The following TRPM3 variants were observed in gnomAD, a reference collection of about 807,000 sequenced individuals.
The protein encoded by TRPM3 is long transient receptor potential channel 3.
In TRPM3, 77 loss-of-function variants were observed where a neutral mutation model predicts 181.2. The ratio of observed to expected loss-of-function variants is 0.42; its 90% CI spans 0.35 to 0.51. The LOEUF is 0.51. TRPM3 is among the 20% of genes least tolerant of loss of function. TRPM3 has a pLI of 0.01. For missense variants in TRPM3, 1,759 were observed against 2,196.7 expected (o/e 0.80, Z 3.98); for synonymous variants, 745 against 796.4 (o/e 0.94, Z 1.09).
chr9:71,360,471 A>T (rs1288157981), intron 1 of TRPM3, among the ~76,000 whole-genome samples: 1 of 152,206 alleles, frequency 6.6e-6, no homozygotes, highest in African/African-American at 2.4e-5. Context: ...CAGATATTTC[A>T]TCACAAGGCA....
chr9:71,267,965 T>G (rs150990969), intron 1 of TRPM3, among the ~76,000 whole-genome samples: 2 of 152,340 alleles, frequency 1.3e-5, no homozygotes, highest in Non-Finnish European at 2.9e-5. Context: ...GATCAGCTGA[T>G]CTGAAGTTGC....
At chr9:71,142,989 AAAAAG>A (rs2075203505) in intron 1 of TRPM3, among the ~76,000 whole-genome samples, 1 of 151,336 alleles carries the variant, frequency 6.6e-6, no homozygotes, top group African/African-American at 2.4e-5. Context: ...TTAAAAAAAA[AAAAAG>A]AAAGAAAAAA....
chr9:70,766,986 T>C (rs1190693932), intron 7 of TRPM3, among the ~76,000 whole-genome samples: 1 of 152,246 alleles, frequency 6.6e-6, no homozygotes, highest in Non-Finnish European at 1.5e-5. Context: ...CTTAGAAAAG[T>C]GCCTGACACA....
Position 70,534,760 on chromosome 9 carries a change from C to T in TRPM3, c.*1193G>A, listed in dbSNP as rs1157392908. ...TTGGAACATTTCCATAGAAAAGATA[C>T]CAGCCCTTGAAAAACTCCAATTAAA... On this transcript the variant is annotated 3_prime_UTR_variant, in exon 26 of 26. Coordinates refer to ENST00000677713, the MANE Select transcript of TRPM3 (RefSeq NM_001366145.2). The T allele has an allele frequency of 1.3e-5, 2 of 152,168 alleles. No individual in the cohort carries two copies. Among genetic ancestry groups the T allele is most frequent in the African/African-American group, 2.4e-5 (1 of 41,426 alleles). The allele number at this position is 152,168 out of a possible 1,614,324, so 9.4% of individuals were successfully genotyped here. A position where few individuals can be genotyped will look rare whatever the true frequency, so the allele number is the denominator to read the frequency against.
intron 8 of TRPM3, among the ~76,000 whole-genome samples, chr9:70,737,762 TAA>T (rs1242611322): frequency 6.6e-6 from 1 of 151,802 alleles, no homozygotes; most frequent in African/African-American, 2.4e-5. Context: ...CAACAGCAGT[TAA>T]AAAATTCAAA....
chr9:71,271,911 C>G, intron 1 of TRPM3, among the ~76,000 whole-genome samples: 1 of 152,224 alleles, frequency 6.6e-6, no homozygotes, highest in East Asian at 1.9e-4. Context: ...TATTCACTCT[C>G]TATCCCCAGG....
chr9:70,987,445 A>T (rs2097432797), intron 1 of TRPM3, among the ~76,000 whole-genome samples: 1 of 152,206 alleles, frequency 6.6e-6, no homozygotes, highest in South Asian at 2.1e-4. Context: ...TAATTGAAAC[A>T]TATGGAGCAT....
intron 9 of TRPM3, among the ~76,000 whole-genome samples, chr9:70,679,518 A>G (rs1563963529): frequency 1.3e-5 from 2 of 152,204 alleles, no homozygotes; most frequent in Non-Finnish European, 2.9e-5. Flanking sequence ...AGTTTTGTTC[A>G]GGGTTGTAAA....
intron 1 of TRPM3, among the ~76,000 whole-genome samples, chr9:71,140,857 C>T (rs1254820997): frequency 6.6e-6 from 1 of 152,002 alleles, no homozygotes; most frequent in Non-Finnish European, 1.5e-5. Flanking sequence ...AAGCAAGGTA[C>T]GATGTTAGCA....
At chr9:71,285,926 TA>T (rs1254654579) in intron 1 of TRPM3, among the ~76,000 whole-genome samples, 2 of 152,192 alleles carry the variant, frequency 1.3e-5, no homozygotes, top group African/African-American at 4.8e-5. Flanking sequence ...CAGGAAGACT[TA>T]TAATGTCACA....
At chr9:70,800,611 T>C (rs1379377569) in intron 6 of TRPM3, among the ~76,000 whole-genome samples, 1 of 152,216 alleles carries the variant, frequency 6.6e-6, no homozygotes, top group African/African-American at 2.4e-5. Flanking sequence ...ATGATGAGGA[T>C]GAAGACCTTC....
intron 8 of TRPM3, among the ~76,000 whole-genome samples, chr9:70,687,875 G>A (rs1222020853): frequency 2.0e-5 from 3 of 152,222 alleles, no homozygotes; most frequent in Non-Finnish European, 4.4e-5. Context: ...CCGTTTAGGT[G>A]CTGGGAATGG....
Position 71,316,943 on chromosome 9 carries a change from T to C in TRPM3, c.183+129710A>G, listed in dbSNP as rs1240387886. On this transcript the variant is annotated intron_variant, in intron 1 of 24. Coordinates refer to the TRPM3 transcript ENST00000357533. ...CATTCATAATTCTACAGTATCACTT[T>C]GAATTCTTTTCTAGTAAGAAAATTT... is the stretch of plus-strand genomic sequence containing the variant. Among the ~76,000 whole-genome samples, 7 of 152,234 alleles carry C rather than the reference T, an allele frequency of 4.6e-5. 1 individual carries two copies. In the South Asian group the frequency reaches 1.4e-3, roughly 31 times the overall value.
chr9:70,840,409 C>T (rs1369034381), intron 5 of TRPM3, among the ~76,000 whole-genome samples: 1 of 152,038 alleles, frequency 6.6e-6, no homozygotes, highest in Non-Finnish European at 1.5e-5. Context: ...TCCCATGGTC[C>T]ACCTGGTTCT....
chr9:71,308,667 C>CATAAAT (rs1423876686), intron 1 of TRPM3, among the ~76,000 whole-genome samples: 3 of 151,990 alleles, frequency 2.0e-5, no homozygotes, highest in South Asian at 2.1e-4. Context: ...GGTTTTTTGA[C>CATAAAT]ATAAATAGCA....
In TRPM3 at chr9:71,024,312, G is replaced by A. The variant is rs1352750178; in HGVS notation, c.177+96866C>T. ...ACAGAGGGGCCAAGTATCAAGAACTGAGTCACTATCAGGATCTGGAAAAGA... is the reference window on the plus strand; with the variant it reads ...ACAGAGGGGCCAAGTATCAAGAACTAAGTCACTATCAGGATCTGGAAAAGA... On this transcript the variant is annotated intron_variant, in intron 1 of 25. Transcript: ENST00000677713. 1.3e-5 allele frequency among the ~76,000 whole-genome samples: 2 copies of A among 152,196 alleles called. 1 individual carries two copies. Among genetic ancestry groups the A allele is most frequent in the Non-Finnish European group, 2.9e-5 (2 of 68,034 alleles).
intron 1 of TRPM3, among the ~76,000 whole-genome samples, chr9:71,002,355 G>A (rs10868940): frequency 0.33 from 50,174 of 151,946 alleles, 9,196 homozygotes; most frequent in East Asian, 0.47. Flanking sequence ...TGGAGCCAGC[G>A]GTTTTAGCTT....
chr9:71,033,916 C>A (rs928557842), intron 1 of TRPM3, among the ~76,000 whole-genome samples: 1 of 152,122 alleles, frequency 6.6e-6, no homozygotes, highest in Non-Finnish European at 1.5e-5. Flanking sequence ...CATCCCATCA[C>A]AGGGCACATT....
At chr9:70,590,522 G>A (rs1052996550) in intron 22 of TRPM3, among the ~76,000 whole-genome samples, 1 of 152,328 alleles carries the variant, frequency 6.6e-6, no homozygotes, top group East Asian at 1.9e-4. Context: ...AAGACAGTGG[G>A]AAAGGGAGTT....
Sources: gnomAD v4.1 joint callset for allele counts (sites outside exome capture counted in the v4.1 genomes callset) on GRCh38, gnomAD v4.1.1 for gene constraint, MANE v1.5 for transcripts, NCBI Gene and HGNC (gene_info 2026-07-23, HGNC 2026-07-21) for gene names.